Variants in EXOSC2 observed in about 807,000 individuals in gnomAD.
EXOSC2 encodes exosome component 2.
In EXOSC2, 29 loss-of-function variants were observed where a neutral mutation model predicts 37.6. That is an observed-to-expected ratio of 0.77 (90% confidence interval 0.57 to 1.05). The LOEUF (loss-of-function observed/expected upper bound fraction) is 1.05, where lower values mean the gene tolerates loss of function less well. Among genes scored for constraint, EXOSC2 ranks in the 50% least tolerant of loss-of-function variants. EXOSC2 has a pLI of 0.00. For missense variants in EXOSC2, 346 were observed against 365.6 expected, an observed-to-expected ratio of 0.95 and a Z score of 0.44; for synonymous variants, 119 against 131.1, an observed-to-expected ratio of 0.91 and a Z score of 0.63.
chr9:130,693,929 G>T lies in EXOSC2; in HGVS notation c.122+16G>T. ...GATTCATGCGGTACGTGGGGACTTG[G>T]GGGAGTCGAGGCTTCAGAGAGCGGC... On this transcript the variant is annotated intron_variant, in intron 1 of 8. Transcript: ENST00000372358. 6.3e-7 allele frequency: 1 copy of T among 1,584,662 alleles called. No individual in the cohort carries two copies. Among genetic ancestry groups the T allele is most frequent in the Non-Finnish European group, 8.6e-7 (1 of 1,158,874 alleles).
intron 3 of EXOSC2, 104 bp downstream of exon 3, chr9:130,697,731 G>A: frequency 9.5e-7 from 1 of 1,056,168 alleles, no homozygotes; most frequent in Non-Finnish European, 1.5e-6. Context: ...GGCATTCATT[G>A]CATTTGGCCG....
chr9:130,703,783 T>C lies in EXOSC2; in HGVS notation c.*9T>C. ...TGGAACAGGAGGGATAAGGAGGTGC[T>C]CCAGAAGCACGGGACTGTGGACCTT... On this transcript the variant is annotated 3_prime_UTR_variant, in exon 9 of 9. Transcript: ENST00000372358. 3.1e-6 allele frequency: 5 copies of C among 1,611,318 alleles called. No individual in the cohort carries two copies. Among genetic ancestry groups the C allele is most frequent in the Non-Finnish European group, 4.2e-6 (5 of 1,177,990 alleles).
rs397721632 is a variant in EXOSC2 at position 130,695,855 on chromosome 9, C to CTT, written c.224+282_224+283dup. 1.0e-2 allele frequency among the ~76,000 whole-genome samples: 1,111 copies of CTT among 111,144 alleles called. 30 individuals carry two copies. The highest frequency in any genetic ancestry group is 0.025 in the African/African-American group (713 of 28,098). 72.9% of individuals were successfully genotyped at this position (111,144 alleles called of 152,430 possible). A position where few individuals can be genotyped will look rare whatever the true frequency, so the allele number is the denominator to read the frequency against. ...CATGGCCTACTTCATAGGATTTTCT[C>CTT]TTTTTTTTTTTTTTTTTTTTTCCGA... On this transcript the variant is annotated intron_variant, in intron 2 of 8. Coordinates refer to ENST00000372358, the MANE Select transcript of EXOSC2 (RefSeq NM_014285.7).
At chr9:130,701,910 AGAG>A in intron 6 of EXOSC2, 1 of 1,363,492 alleles carries the variant, frequency 7.3e-7, no homozygotes, top group East Asian at 2.9e-5. Context: ...GGGAAATGAC[AGAG>A]AAGAGTATTG....
At position 130,702,144 on chromosome 9, in the gene EXOSC2, G is replaced by C; in HGVS notation, c.506G>C (p.Gly169Ala). The C allele has an allele frequency of 1.2e-6, 2 of 1,613,970 alleles. No individual in the cohort carries two copies. The highest frequency in any genetic ancestry group is 1.7e-6 in the Non-Finnish European group (2 of 1,179,984). ...GATATATTTCTTTAGCTAGGTCAGG[G>C]GGTTTTGGTCCAGGTTTCCCCCTCC... The part of the protein sequence containing the change: ...RSLKYGKLGQ[G>A]VLVQVSPSLV... Residue 169 changes from glycine (G) to alanine (A), a missense_variant, in exon 7 of 9, where the codon GGG becomes GCG. By Grantham distance (60) the Gly-to-Ala change is moderately conservative. Coordinates refer to ENST00000372358, the MANE Select transcript of EXOSC2 (RefSeq NM_014285.7).
intron 3 of EXOSC2, chr9:130,697,833 G>A (rs1428252493): frequency 1.1e-4 from 65 of 569,924 alleles, no homozygotes; most frequent in Admixed American, 5.7e-4. Flanking sequence ...TCGCTCTGTC[G>A]CCCAGGCTGG....
intron 4 of EXOSC2, 67 bp from the exon 5 acceptor site, chr9:130,699,262 A>C (rs768699876): frequency 6.6e-7 from 1 of 1,508,678 alleles, no homozygotes. Flanking sequence ...AAAGGAAGTG[A>C]AAGAGAAGTG....
intron 5 of EXOSC2, among the ~76,000 whole-genome samples, chr9:130,700,642 A>T (rs1483636491): frequency 6.6e-6 from 1 of 152,100 alleles, no homozygotes; most frequent in Non-Finnish European, 1.5e-5. Flanking sequence ...TACAGGTGTG[A>T]GCCACCGCAC....
intron 7 of EXOSC2, 44 bp from the exon 8 acceptor site, chr9:130,703,009 G>C: frequency 6.3e-7 from 1 of 1,585,688 alleles, no homozygotes; most frequent in Non-Finnish European, 8.6e-7. Context: ...CACGTATTTT[G>C]GTCCTGTTTG....
intron 4 of EXOSC2, 74 bp from the exon 5 acceptor site, chr9:130,699,255 G>A: frequency 2.7e-6 from 4 of 1,466,976 alleles, no homozygotes; most frequent in South Asian, 2.3e-5. Context: ...CATCTCAAAA[G>A]GAAGTGAAAG....
chr9:130,695,395 G>T, intron 1 of EXOSC2, 97 bp from the exon 2 acceptor site: 1 of 1,021,586 alleles, frequency 9.8e-7, no homozygotes, highest in Non-Finnish European at 1.5e-6. Context: ...TTTGCAGGGG[G>T]AGCCTGTTAG....
In EXOSC2 at chr9:130,694,152, G is replaced by T. The variant is rs1831041483; in HGVS notation, c.122+239G>T. 6.6e-6 allele frequency among the ~76,000 whole-genome samples: 1 copy of T among 152,078 alleles called. No individual in the cohort carries two copies. Among genetic ancestry groups the T allele is most frequent in the Non-Finnish European group, 1.5e-5 (1 of 68,026 alleles). ...TCCACTCCTGACCTCCGGTGGCTGT[G>T]ACTTTTGGGTCTTCTGCCTGAAGTC... is the stretch of plus-strand genomic sequence containing the variant. On this transcript the variant is annotated intron_variant, in intron 1 of 8. Coordinates refer to ENST00000372358, the MANE Select transcript of EXOSC2 (RefSeq NM_014285.7). This position sits in a 1 kb window ranked among gnomAD's most constrained non-coding sequence, Gnocchi z 4.0.
intron 5 of EXOSC2, among the ~76,000 whole-genome samples, chr9:130,700,365 A>ATTTATTTATTTT (rs1554754668): frequency 7.1e-5 from 10 of 140,990 alleles, no homozygotes; most frequent in Non-Finnish European, 1.1e-4. Flanking sequence ...TTATTTATTT[A>ATTTATTTATTTT]TTTATTTTTT....
In EXOSC2 at chr9:130,703,556, A is replaced by G. The variant is rs1194979714; in HGVS notation, c.802-138A>G. The G allele has an allele frequency of 8.9e-6, 6 of 677,924 alleles. No individual in the cohort carries two copies. In the African/African-American group the frequency reaches 8.9e-5, roughly 10 times the overall value. The allele number at this position is 677,924 out of a possible 1,614,324, so 42.0% of individuals were successfully genotyped here. A position where few individuals can be genotyped will look rare whatever the true frequency, so the allele number is the denominator to read the frequency against. On this transcript the variant is annotated intron_variant, in intron 8 of 8. Transcript: ENST00000372358. ...TATTAGGCTGCTTCTAGCAGATCAT[A>G]TCTTGTAACGCTTAGTCTCTGAGAC...
chr9:130,703,861 C>G lies in EXOSC2; in HGVS notation c.*87C>G. 1.9e-6 allele frequency: 2 copies of G among 1,078,164 alleles called. No homozygotes were observed. The highest frequency in any genetic ancestry group is 2.7e-6 in the Non-Finnish European group (2 of 735,298). 66.8% of individuals were successfully genotyped at this position (1,078,164 alleles called of 1,614,324 possible). ...CCCCATATGTGGCTCAGCAAAGACT[C>G]GAGAGATCATCCCTTTGTCTGCATT... On this transcript the variant is annotated 3_prime_UTR_variant, in exon 9 of 9. Coordinates refer to ENST00000372358, the MANE Select transcript of EXOSC2 (RefSeq NM_014285.7).
chr9:130,698,119 A>G lies in EXOSC2; in HGVS notation c.271-43A>G. The stretch of plus-strand genomic sequence containing the variant: ...TTACTGGTTATTTATGATATGACAC[A>G]TGAACATGGAGCATGTGTCCAGGTG... On this transcript the variant is annotated intron_variant, in intron 3 of 8. Transcript: ENST00000372358. The surrounding 1 kb of genome is among the most constrained non-coding windows in gnomAD (Gnocchi z 4.1). The G allele has an allele frequency of 1.3e-6, 2 of 1,575,274 alleles. No individual in the cohort carries two copies. The highest frequency in any genetic ancestry group is 2.2e-5 in the East Asian group (1 of 44,630).
rs1831285641 is a variant in EXOSC2 at position 130,704,544 on chromosome 9, A to C, written c.*770A>C. The C allele has an allele frequency of 6.6e-6, 1 of 151,878 alleles. No homozygotes were observed. Among genetic ancestry groups the C allele is most frequent in the Non-Finnish European group, 1.5e-5 (1 of 67,954 alleles). The allele number at this position is 151,878 out of a possible 1,614,324, so 9.4% of individuals were successfully genotyped here. A position where few individuals can be genotyped will look rare whatever the true frequency, so the allele number is the denominator to read the frequency against. ...GACTGTGTTTCAAAGAAAAAAAAAA[A>C]CAAGCAGCCTTTTGCTTGGTTGGAA... On this transcript the variant is annotated 3_prime_UTR_variant, in exon 9 of 9. Transcript: ENST00000372358.
chr9:130,696,426 A>T (rs1272733216), intron 2 of EXOSC2, among the ~76,000 whole-genome samples: 2 of 152,040 alleles, frequency 1.3e-5, no homozygotes, highest in East Asian at 3.9e-4. Context: ...CAGAGGAGGG[A>T]CTTGATCTGG....
chr9:130,697,925 C>T (rs1243752779), intron 3 of EXOSC2: 11 of 545,132 alleles, frequency 2.0e-5, no homozygotes, highest in Non-Finnish European at 3.6e-5. Context: ...TCCCAAGTAG[C>T]TGGGATTACA....
Sources: allele counts gnomAD v4.1 joint callset (sites outside exome capture counted in the v4.1 genomes callset), GRCh38; gene constraint gnomAD v4.1.1; non-coding constraint Gnocchi (gnomAD v3.1); transcripts MANE v1.5; gene names NCBI Gene and HGNC (gene_info 2026-07-23, HGNC 2026-07-21).